The following MAP3K13 variants were observed in gnomAD, a reference collection of about 807,000 sequenced individuals.
The protein encoded by MAP3K13 is mitogen-activated protein kinase kinase kinase 13, also known as leucine zipper-bearing kinase.
Under a neutral mutation model 104.0 loss-of-function variants are expected in MAP3K13, and 52 were observed. That is an observed-to-expected ratio of 0.50 (90% CI 0.40 to 0.63). MAP3K13 has a LOEUF of 0.63. Ranked by LOEUF, MAP3K13 falls within the 20% of genes least tolerant of loss-of-function variation. The pLI, the probability that MAP3K13 is intolerant of heterozygous loss-of-function variation, is 0.00. For missense variants in MAP3K13, 914 were observed against 1,218.5 expected, an observed-to-expected ratio of 0.75 and a Z score of 3.72; for synonymous variants, 394 against 442.2, an observed-to-expected ratio of 0.89 and a Z score of 1.37.
chr3:185,403,621 A>AT lies in MAP3K13; in HGVS notation c.-85-24870dup, dbSNP rs199500744. On this transcript the variant is annotated intron_variant, in intron 1 of 13. Transcript: ENST00000265026. ...CACACTGTACAATTTTTGTCAATTT[A>AT]TTTTTTACTGTAAATATAATTTTTA... Among the ~76,000 whole-genome samples the AT allele has an allele frequency of 6.4e-3, 972 of 152,270 alleles. 11 individuals carry two copies. The highest frequency in any genetic ancestry group is 0.022 in the African/African-American group (919 of 41,568).
intron 7 of MAP3K13, 135 bp downstream of exon 7, chr3:185,451,530 T>C: frequency 1.6e-6 from 1 of 625,652 alleles, no homozygotes; most frequent in Non-Finnish European, 2.9e-6. Flanking sequence ...ACAATAAATA[T>C]GATACTTCAC....
intron 1 of MAP3K13, among the ~76,000 whole-genome samples, chr3:185,405,913 T>A (rs1713090222): frequency 6.6e-6 from 1 of 152,164 alleles, no homozygotes; most frequent in African/African-American, 2.4e-5. Context: ...GTTTACTGAG[T>A]GAGGGAACTG....
At chr3:185,449,800 A>C (rs987372656) in intron 5 of MAP3K13, 100 bp from the exon 6 acceptor site, 4 of 1,018,994 alleles carry the variant, frequency 3.9e-6, no homozygotes, top group Non-Finnish European at 5.4e-6. Flanking sequence ...GAATTTTAAA[A>C]CTGGGTATAT....
rs533784021 is a variant in MAP3K13, at chr3:185,383,494, G to A, written c.-86+20126G>A. 5.2e-3 allele frequency among the ~76,000 whole-genome samples: 790 copies of A among 151,446 alleles called. 13 individuals are homozygous for A. The highest frequency in any genetic ancestry group is 0.017 in the African/African-American group (717 of 41,266). The stretch of plus-strand genomic sequence containing the variant: ...GGAGAATGGCGTGAACCCGGGAGGC[G>A]GAGCTTGCTGTGAGTCAAGATCGTG... On this transcript the variant is annotated intron_variant, in intron 1 of 13. Coordinates refer to ENST00000265026, the MANE Select transcript of MAP3K13 (RefSeq NM_004721.5).
chr3:185,339,192 GC>G (rs1451286851), intron 2 of MAP3K13, among the ~76,000 whole-genome samples: 1 of 152,088 alleles, frequency 6.6e-6, no homozygotes, highest in East Asian at 1.9e-4. Context: ...GGTGGTGGGT[GC>G]CTGTAATCCC....
Position 185,420,151 on chromosome 3 carries a change from ATAT to A in MAP3K13, c.-85-8342_-85-8340del, listed in dbSNP as rs770699817. On this transcript the variant is annotated intron_variant, in intron 1 of 13. Coordinates refer to ENST00000265026, the MANE Select transcript of MAP3K13 (RefSeq NM_004721.5). ...TTTGAATGCATAATTGTTTCATGAA[ATAT>A]TATAAAGAAGATGAAAAGAGGTAGG... 2.0e-5 allele frequency among the ~76,000 whole-genome samples: 3 copies of A among 151,888 alleles called. No individual in the cohort carries two copies. The East Asian group carries it at 5.8e-4, about 29-fold the overall frequency.
chr3:185,447,416 C>T (rs1715648670), intron 4 of MAP3K13, among the ~76,000 whole-genome samples: 1 of 146,578 alleles, frequency 6.8e-6, no homozygotes, highest in South Asian at 2.2e-4. Flanking sequence ...ATCCCTTGAA[C>T]CCGGGAGGCA....
At chr3:185,381,472 C>A (rs1457126317) in intron 1 of MAP3K13, among the ~76,000 whole-genome samples, 1 of 152,192 alleles carries the variant, frequency 6.6e-6, no homozygotes, top group Non-Finnish European at 1.5e-5. Flanking sequence ...CAGACATGCA[C>A]ACAACAGCAA....
intron 2 of MAP3K13, among the ~76,000 whole-genome samples, chr3:185,316,130 A>G (rs547473610): frequency 6.6e-6 from 1 of 152,332 alleles, no homozygotes. Flanking sequence ...GGTTACAAAT[A>G]TATTTGAGCT....
At chr3:185,349,718 C>T (rs549131198) in intron 2 of MAP3K13, among the ~76,000 whole-genome samples, 2 of 152,322 alleles carry the variant, frequency 1.3e-5, no homozygotes, top group African/African-American at 4.8e-5. Flanking sequence ...ATCATCAGAT[C>T]TCAGCTCAGT....
At chr3:185,307,001 A>G (rs959609876) in intron 2 of MAP3K13, among the ~76,000 whole-genome samples, 4 of 152,148 alleles carry the variant, frequency 2.6e-5, no homozygotes, top group Non-Finnish European at 4.4e-5. Flanking sequence ...AGCAGTTTGA[A>G]TGTATCATAC....
intron 2 of MAP3K13, among the ~76,000 whole-genome samples, chr3:185,295,107 A>G (rs1005252916): frequency 2.6e-5 from 4 of 152,186 alleles, no homozygotes; most frequent in African/African-American, 4.8e-5. Context: ...CAAATCTTCA[A>G]TCATTCTTTG....
chr3:185,434,390 CACTT>C, intron 2 of MAP3K13, among the ~76,000 whole-genome samples: 2 of 152,248 alleles, frequency 1.3e-5, no homozygotes, highest in East Asian at 3.9e-4. Context: ...GAATTGATAA[CACTT>C]ACTGCCAACA....
In MAP3K13 at chr3:185,301,482, T is replaced by A. The variant is rs62288701; in HGVS notation, c.-86+15839T>A. Among the ~76,000 whole-genome samples the A allele has an allele frequency of 5.9e-3, 893 of 152,352 alleles. 4 individuals are homozygous for A. Among genetic ancestry groups the A allele is most frequent in the Non-Finnish European group, 9.7e-3 (661 of 68,034 alleles). ...CGCTGTAGTCCCATTTGTCTAATTT[T>A]TGCACTTGTTGCCTGTGCTTTTCAT... On this transcript the variant is annotated intron_variant, in intron 2 of 14. Transcript: ENST00000424227.
intron 4 of MAP3K13, among the ~76,000 whole-genome samples, chr3:185,447,494 CAAAAAAAAAAAAAAA>C (rs1178155454): frequency 7.0e-5 from 2 of 28,420 alleles, no homozygotes; most frequent in African/African-American, 1.3e-4. Flanking sequence ...AACTCTGTCT[CAAAAAAAAAAAAAAA>C]AAAAAAAAAA....
At chr3:185,460,306 T>C (rs565501008) in intron 7 of MAP3K13, among the ~76,000 whole-genome samples, 2 of 152,290 alleles carry the variant, frequency 1.3e-5, no homozygotes, top group South Asian at 4.2e-4. Context: ...TCTTTACTTT[T>C]TATTTTATTT....
In MAP3K13 at chr3:185,330,046, ATTTTTTTTTTTTTTTTT is replaced by A. The variant is rs548813356; in HGVS notation, c.-86+44423_-86+44439del. On this transcript the variant is annotated intron_variant, in intron 2 of 14. Coordinates refer to the MAP3K13 transcript ENST00000424227. ...AGGCGCCCGCCACCATGCCTGGCTA[ATTTTTTTTTTTTTTTTT>A]TTTTTTTTTTTTTTTTTTTAGTAGA... Among the ~76,000 whole-genome samples the A allele has an allele frequency of 7.1e-3, 699 of 98,278 alleles. 8 individuals are homozygous for A. Among genetic ancestry groups the A allele is most frequent in the African/African-American group, 0.027 (623 of 22,812 alleles). The allele number at this position is 98,278 out of a possible 152,430, so 64.5% of individuals were successfully genotyped here.
intron 7 of MAP3K13, among the ~76,000 whole-genome samples, chr3:185,455,665 T>TG (rs1716603329): frequency 3.6e-4 from 9 of 24,850 alleles, no homozygotes; most frequent in Middle Eastern, 0.071. Flanking sequence ...ATGATATATA[T>TG]ATGATATATA....
intron 2 of MAP3K13, among the ~76,000 whole-genome samples, chr3:185,326,531 T>C (rs1249556802): frequency 6.6e-6 from 1 of 152,138 alleles, no homozygotes; most frequent in Non-Finnish European, 1.5e-5. Context: ...GTCCAACTAC[T>C]TTGTATGAGC....
Sources: gnomAD v4.1 joint callset for allele counts (sites outside exome capture counted in the v4.1 genomes callset) on GRCh38, gnomAD v4.1.1 for gene constraint, MANE v1.5 for transcripts, NCBI Gene and HGNC (gene_info 2026-07-23, HGNC 2026-07-21) for gene names.